The following SSBP2 variants were observed in gnomAD, a reference collection of about 807,000 sequenced individuals.
SSBP2 encodes single stranded DNA binding protein 2.
Under a neutral mutation model 61.8 loss-of-function variants are expected in SSBP2, and 17 were observed. The ratio of observed to expected loss-of-function variants is 0.28; its 90% CI spans 0.19 to 0.41. The LOEUF is 0.41. SSBP2 is among the 10% of genes least tolerant of loss of function. The probability of loss-of-function intolerance (pLI) is 1.00; values close to 1 mark genes in which losing one functional copy is unlikely to be tolerated. For synonymous variants in SSBP2, 139 were observed against 141.3 expected (o/e 0.98, Z 0.12); for missense variants, 310 against 458.7 (o/e 0.68, Z 2.96).
At chr5:81,628,446 T>C (rs1225491881) in intron 3 of SSBP2, among the ~76,000 whole-genome samples, 1 of 152,200 alleles carries the variant, frequency 6.6e-6, no homozygotes, top group African/African-American at 2.4e-5. Context: ...ATGAGAGTTA[T>C]AAAAGGCATC....
At chr5:81,739,742 G>C (rs1756882525) in intron 1 of SSBP2, among the ~76,000 whole-genome samples, 1 of 152,058 alleles carries the variant, frequency 6.6e-6, no homozygotes, top group Non-Finnish European at 1.5e-5. Context: ...TAGTTAACAA[G>C]TTTTAAAAAC....
chr5:81,647,222 C>T (rs990880645), intron 2 of SSBP2, among the ~76,000 whole-genome samples: 4 of 151,938 alleles, frequency 2.6e-5, no homozygotes, highest in African/African-American at 9.7e-5. Flanking sequence ...CCCTTTGAAC[C>T]CTTTAATGTC....
intron 1 of SSBP2, among the ~76,000 whole-genome samples, chr5:81,733,850 T>C (rs1464212401): frequency 6.6e-6 from 1 of 152,118 alleles, no homozygotes; most frequent in Non-Finnish European, 1.5e-5. Context: ...GAATACTAAA[T>C]AGAACTTATT....
At chr5:81,658,319 G>A (rs1016321177) in intron 1 of SSBP2, among the ~76,000 whole-genome samples, 2 of 151,962 alleles carry the variant, frequency 1.3e-5, no homozygotes, top group Admixed American at 1.3e-4. Context: ...TGGGTTCCGT[G>A]TGGTTGGATT....
chr5:81,569,830 A>AT, intron 4 of SSBP2, among the ~76,000 whole-genome samples: 1 of 152,264 alleles, frequency 6.6e-6, no homozygotes, highest in South Asian at 2.1e-4. Context: ...GCATAGTTTG[A>AT]TATCATGGCC....
chr5:81,687,385 T>C (rs1752899415), intron 1 of SSBP2, among the ~76,000 whole-genome samples: 1 of 152,154 alleles, frequency 6.6e-6, no homozygotes, highest in East Asian at 1.9e-4. Flanking sequence ...GCTAAAGTGT[T>C]TGGTGCTAAA....
intron 4 of SSBP2, among the ~76,000 whole-genome samples, chr5:81,566,140 A>G (rs796117294): frequency 4.6e-5 from 7 of 152,324 alleles, no homozygotes; most frequent in African/African-American, 9.6e-5. Context: ...TAGAAGTAAT[A>G]TATCTTTATT....
At chr5:81,644,299 G>A (rs1749073663) in intron 2 of SSBP2, among the ~76,000 whole-genome samples, 1 of 152,092 alleles carries the variant, frequency 6.6e-6, no homozygotes, top group African/African-American at 2.4e-5. Context: ...GACACAGAAA[G>A]ACAGAAGCCA....
intron 4 of SSBP2, among the ~76,000 whole-genome samples, chr5:81,571,089 G>A (rs1490172208): frequency 1.3e-5 from 2 of 152,086 alleles, no homozygotes; most frequent in Non-Finnish European, 2.9e-5. Flanking sequence ...GAATTATCTT[G>A]GTTTCTTTTG....
intron 4 of SSBP2, among the ~76,000 whole-genome samples, chr5:81,548,674 G>A (rs145766416): frequency 3.3e-5 from 5 of 152,184 alleles, no homozygotes; most frequent in Non-Finnish European, 5.9e-5. Flanking sequence ...TGTAATCCCA[G>A]CACTTTGGGA....
intron 4 of SSBP2, among the ~76,000 whole-genome samples, chr5:81,595,696 T>A (rs1743659812): frequency 6.6e-6 from 1 of 152,070 alleles, no homozygotes; most frequent in Admixed American, 6.5e-5. Flanking sequence ...CATATGCAAA[T>A]CAATAAATGT....
At chr5:81,682,429 A>ATTTTT (rs1752454642) in intron 1 of SSBP2, among the ~76,000 whole-genome samples, 3 of 152,216 alleles carry the variant, frequency 2.0e-5, no homozygotes, top group Admixed American at 2.0e-4. Flanking sequence ...CTGAAGAAAA[A>ATTTTT]AATTACAATT....
chr5:81,615,440 A>C, intron 4 of SSBP2, 33 bp downstream of exon 4: 5 of 1,473,940 alleles, frequency 3.4e-6, no homozygotes, highest in Non-Finnish European at 4.7e-6. Flanking sequence ...GAAAACTGAC[A>C]GTGTAACTTT....
chr5:81,578,298 C>G (rs1581072761), intron 4 of SSBP2, among the ~76,000 whole-genome samples: 1 of 152,084 alleles, frequency 6.6e-6, no homozygotes, highest in East Asian at 1.9e-4. Flanking sequence ...ACTGACAGCA[C>G]TTCTATAAAG....
intron 5 of SSBP2, among the ~76,000 whole-genome samples, chr5:81,498,923 T>C (rs1767493363): frequency 6.6e-6 from 1 of 152,174 alleles, no homozygotes; most frequent in Non-Finnish European, 1.5e-5. Flanking sequence ...ATACATTTTC[T>C]GTAGAAAAGT....
chr5:81,584,986 AAG>A (rs959314132), intron 4 of SSBP2, among the ~76,000 whole-genome samples: 25 of 152,276 alleles, frequency 1.6e-4, no homozygotes, highest in Admixed American at 1.2e-3. Flanking sequence ...GAAATAATAA[AAG>A]AGAAATACAT....
intron 6 of SSBP2, among the ~76,000 whole-genome samples, chr5:81,478,430 T>C (rs970153546): frequency 2.0e-5 from 3 of 152,182 alleles, no homozygotes; most frequent in African/African-American, 7.2e-5. Context: ...AACTTCCACC[T>C]GCCAGATTCA....
intron 2 of SSBP2, among the ~76,000 whole-genome samples, chr5:81,638,940 T>G (rs1265093641): frequency 6.6e-6 from 1 of 152,216 alleles, no homozygotes; most frequent in African/African-American, 2.4e-5. Context: ...CAAATTCAGA[T>G]CACCATTAAA....
At chr5:81,701,552 A>C (rs418033) in intron 1 of SSBP2, among the ~76,000 whole-genome samples, 22 of 151,970 alleles carry the variant, frequency 1.4e-4, no homozygotes, top group African/African-American at 4.6e-4. Flanking sequence ...GTGGAGCACA[A>C]TAAAACAAGG....
Sources: gnomAD v4.1 joint callset for allele counts (sites outside exome capture counted in the v4.1 genomes callset) on GRCh38, gnomAD v4.1.1 for gene constraint, MANE v1.5 for transcripts, NCBI Gene and HGNC (gene_info 2026-07-23, HGNC 2026-07-21) for gene names.